Variants in ZNF230 observed in about 807,000 individuals in gnomAD.
ZNF230 encodes zinc finger protein FDZF2.
In ZNF230, 12 loss-of-function variants were observed where a neutral mutation model predicts 10.0. The observed-to-expected ratio is 1.20, with a 90% confidence interval of 0.77 to 1.95. ZNF230 has a LOEUF of 1.95. Ranked by LOEUF, ZNF230 falls within the 30% of genes most tolerant of loss-of-function variation. The pLI, the probability that ZNF230 is intolerant of heterozygous loss-of-function variation, is 0.00. For missense variants in ZNF230, 532 were observed against 565.8 expected, an observed-to-expected ratio of 0.94 and a Z score of 0.61; for synonymous variants, 174 against 193.6, an observed-to-expected ratio of 0.90 and a Z score of 0.84.
In ZNF230 at chr19:44,011,290, A is replaced by G; in HGVS notation, c.1251A>G (p.Lys417=). ...ATCATAAGAAACTCCACTGCCGGAAAAAACCCTTCAAATGTGAGGATTGTG... is the reference window on the plus strand; with the variant it reads ...ATCATAAGAAACTCCACTGCCGGAAGAAACCCTTCAAATGTGAGGATTGTG... ...ILNHKKLHCR[K]KPFKCEDCGK... The change falls in exon 5 of 5, where the codon AAA becomes AAG. Residue 417 remains lysine, a synonymous_variant. Transcript: ENST00000429154. 6 of 1,614,188 alleles carry G rather than the reference A, an allele frequency of 3.7e-6. No individual in the cohort carries two copies. The highest frequency in any genetic ancestry group is 5.1e-6 in the Non-Finnish European group (6 of 1,180,022).
chr19:44,008,959 A>G (rs1206602138), intron 3 of ZNF230, 43 bp downstream of exon 3: 3 of 1,609,416 alleles, frequency 1.9e-6, no homozygotes, highest in Non-Finnish European at 2.5e-6. Flanking sequence ...AGGCCTCAGG[A>G]GTGGCTTTGT....
At chr19:44,010,218 A>G in intron 4 of ZNF230, 51 bp from the exon 5 acceptor site, 1 of 1,502,486 alleles carries the variant, frequency 6.7e-7, no homozygotes, top group Non-Finnish European at 9.0e-7. Context: ...TCTTAAAAAC[A>G]CCAAACAAAG....
chr19:44,005,067 G>A (rs903419304), intron 1 of ZNF230, among the ~76,000 whole-genome samples: 5 of 150,342 alleles, frequency 3.3e-5, no homozygotes, highest in African/African-American at 1.2e-4. Context: ...AGCTTGCAGT[G>A]AGCGAGATCG....
chr19:44,009,144 C>G lies in ZNF230; in HGVS notation c.203C>G (p.Thr68Arg), dbSNP rs751098405. Reference protein sequence around the residue: ...LREEKFWMMETATQREGNSGG... With the variant: ...LREEKFWMMERATQREGNSGG... ...GAAGAAAAGTTTTGGATGATGGAGA[C>G]AGCAACCCAAAGAGAAGGAAATTCA... is the stretch of plus-strand genomic sequence containing the variant. The change falls in exon 4 of 5, where the codon ACA (threonine) becomes AGA (arginine). Residue 68 changes from threonine (T) to arginine (R), a missense_variant. Coordinates refer to ENST00000429154, the MANE Select transcript of ZNF230 (RefSeq NM_006300.4). The G allele has an allele frequency of 6.8e-6, 11 of 1,614,200 alleles. No homozygotes were observed. Among genetic ancestry groups the G allele is most frequent in the Middle Eastern group, 1.6e-4 (1 of 6,062 alleles).
chr19:44,012,288 A>G lies in ZNF230; in HGVS notation c.*824A>G, dbSNP rs1599853478. ...TAAAGTCTCTGCTCAGTTGTCTATA[A>G]TCTCATTTGAGAGTTCACAAAGGGG... On this transcript the variant is annotated 3_prime_UTR_variant, in exon 5 of 5. Coordinates refer to ENST00000429154, the MANE Select transcript of ZNF230 (RefSeq NM_006300.4). 1 of 461,308 alleles carries G rather than the reference A, an allele frequency of 2.2e-6. No individual in the cohort carries two copies. Among genetic ancestry groups the G allele is most frequent in the Non-Finnish European group, 4.3e-6 (1 of 233,130 alleles). The allele number at this position is 461,308 out of a possible 1,614,324, so 28.6% of individuals were successfully genotyped here. A position where few individuals can be genotyped will look rare whatever the true frequency, so the allele number is the denominator to read the frequency against.
chr19:44,013,078 T>C lies in ZNF230; in HGVS notation c.*1614T>C, dbSNP rs960567357. 6.6e-6 allele frequency: 1 copy of C among 152,278 alleles called. No homozygotes were observed. Among genetic ancestry groups the C allele is most frequent in the African/African-American group, 2.4e-5 (1 of 41,474 alleles). 9.4% of individuals were successfully genotyped at this position (152,278 alleles called of 1,614,324 possible). On this transcript the variant is annotated 3_prime_UTR_variant, in exon 5 of 5. Coordinates refer to ENST00000429154, the MANE Select transcript of ZNF230 (RefSeq NM_006300.4). ...AGTGTTAAGGCAAAATTTATAGTAA[T>C]ACTTTTTACGTGGCAGATGTAGTTA...
rs781767423 is a variant in ZNF230 at position 44,011,020 on chromosome 19, GA to G, written c.982del (p.Ile328Ter). On this transcript the variant is annotated frameshift_variant, in exon 5 of 5. Coordinates refer to ENST00000429154, the MANE Select transcript of ZNF230 (RefSeq NM_006300.4). LOFTEE classifies it low-confidence loss of function (END_TRUNC). ...ATAGCCTAGATTTGCATAAGCATCA[GA>G]TAATTCACACAGGACAGAAACCGTA... ...TDSLDLHKHQ[I>X]IHTGQKPYNC... 2 of 1,614,010 alleles carry G rather than the reference GA, an allele frequency of 1.2e-6. No homozygotes were observed. Among genetic ancestry groups the G allele is most frequent in the African/African-American group, 2.7e-5 (2 of 74,916 alleles).
At chr19:44,006,755 A>G (rs563462060) in intron 1 of ZNF230, 45 of 213,194 alleles carry the variant, frequency 2.1e-4, no homozygotes, top group African/African-American at 9.7e-4. Flanking sequence ...TTCTCTTATG[A>G]TGTTTCCAAG....
At position 44,012,060 on chromosome 19, in the gene ZNF230, A is replaced by AT; in HGVS notation, c.*596_*597insT. 5.0e-6 allele frequency: 1 copy of AT among 199,950 alleles called. No homozygotes were observed. Among genetic ancestry groups the AT allele is most frequent in the South Asian group, 8.1e-5 (1 of 12,410 alleles). The allele number at this position is 199,950 out of a possible 1,614,324, so 12.4% of individuals were successfully genotyped here. ...ACATGGTAGTGTAGATATCTGATCC[A>AT]CATACTGATTTCCTTTGCTTTGGAT... On this transcript the variant is annotated 3_prime_UTR_variant, in exon 5 of 5. Transcript: ENST00000429154.
rs1167999136 is a variant in ZNF230 at position 44,012,361 on chromosome 19, T to C, written c.*897T>C. On this transcript the variant is annotated 3_prime_UTR_variant, in exon 5 of 5. Coordinates refer to ENST00000429154, the MANE Select transcript of ZNF230 (RefSeq NM_006300.4). ...TGGTAAGCACTTCAGTGTGTGTTTATATCATAATTTATCACAGTCCATACT... is the reference window on the plus strand; with the variant it reads ...TGGTAAGCACTTCAGTGTGTGTTTACATCATAATTTATCACAGTCCATACT... The C allele has an allele frequency of 1.9e-6, 1 of 517,950 alleles. No homozygotes were observed. The highest frequency in any genetic ancestry group is 5.4e-5 in the East Asian group (1 of 18,372). 32.1% of individuals were successfully genotyped at this position (517,950 alleles called of 1,614,324 possible). A position where few individuals can be genotyped will look rare whatever the true frequency, so the allele number is the denominator to read the frequency against.
intron 4 of ZNF230, chr19:44,009,448 CT>C: frequency 3.8e-6 from 2 of 526,300 alleles, no homozygotes; most frequent in East Asian, 6.0e-5. Flanking sequence ...GTTACAACCT[CT>C]TTATTGGCTT....
In ZNF230 at chr19:44,011,565, ATTTCT is replaced by A. The variant is rs759539805; in HGVS notation, c.*104_*108del. ...TAGTGTATTACCTTAAACAATTAACATTTCTTTGTTTTGGGAAAATTCAAAATCCA... is the reference window on the plus strand; with the variant it reads ...TAGTGTATTACCTTAAACAATTAACATTGTTTTGGGAAAATTCAAAATCCA... On this transcript the variant is annotated 3_prime_UTR_variant, in exon 5 of 5. Transcript: ENST00000429154. The A allele has an allele frequency of 3.9e-5, 48 of 1,239,338 alleles. No individual in the cohort carries two copies. The highest frequency in any genetic ancestry group is 2.3e-4 in the Middle Eastern group (1 of 4,328). The allele number at this position is 1,239,338 out of a possible 1,614,324, so 76.8% of individuals were successfully genotyped here.
chr19:44,011,687 A>G lies in ZNF230; in HGVS notation c.*223A>G, dbSNP rs965572475. Reference sequence around the variant, plus strand: ...ACACTAGAATGTATTTCTCCTATCTAGCAGTACTTATGTATCTTGTTACCC... The same window carrying G: ...ACACTAGAATGTATTTCTCCTATCTGGCAGTACTTATGTATCTTGTTACCC... On this transcript the variant is annotated 3_prime_UTR_variant, in exon 5 of 5. Coordinates refer to ENST00000429154, the MANE Select transcript of ZNF230 (RefSeq NM_006300.4). 5 of 474,092 alleles carry G rather than the reference A, an allele frequency of 1.1e-5. No homozygotes were observed. The highest frequency in any genetic ancestry group is 1.8e-5 in the Non-Finnish European group (5 of 271,876). The allele number at this position is 474,092 out of a possible 1,614,324, so 29.4% of individuals were successfully genotyped here. A position where few individuals can be genotyped will look rare whatever the true frequency, so the allele number is the denominator to read the frequency against.
In ZNF230 at chr19:44,011,426, C is replaced by A. The variant is rs1222480642; in HGVS notation, c.1387C>A (p.Leu463Met). ...GAAGCGCTACAAGAGGCGCTTGAAT[C>A]TGGATATAATTTTATCATTATTTTT... is the stretch of plus-strand genomic sequence containing the variant. Reference protein sequence around the residue: ...CGKRYKRRLNLDIILSLFLND... With the variant: ...CGKRYKRRLNMDIILSLFLND... Residue 463 changes from leucine to methionine, a missense_variant, in exon 5 of 5, where the codon CTG becomes ATG. Physicochemically the swap from Leu to Met is conservative, Grantham distance 15. Coordinates refer to ENST00000429154, the MANE Select transcript of ZNF230 (RefSeq NM_006300.4). 1 of 1,603,488 alleles carries A rather than the reference C, an allele frequency of 6.2e-7. No homozygotes were observed. The highest frequency in any genetic ancestry group is 8.5e-7 in the Non-Finnish European group (1 of 1,176,672).
chr19:44,012,306 C>A lies in ZNF230; in HGVS notation c.*842C>A. ...GTCTATAATCTCATTTGAGAGTTCACAAAGGGGCAAAACATTAAAAAGAGG... is the reference window on the plus strand; with the variant it reads ...GTCTATAATCTCATTTGAGAGTTCAAAAAGGGGCAAAACATTAAAAAGAGG... On this transcript the variant is annotated 3_prime_UTR_variant, in exon 5 of 5. Coordinates refer to ENST00000429154, the MANE Select transcript of ZNF230 (RefSeq NM_006300.4). 4.1e-6 allele frequency: 2 copies of A among 482,002 alleles called. No homozygotes were observed. Among genetic ancestry groups the A allele is most frequent in the South Asian group, 3.1e-5 (2 of 64,176 alleles). 29.9% of individuals were successfully genotyped at this position (482,002 alleles called of 1,614,324 possible). A position where few individuals can be genotyped will look rare whatever the true frequency, so the allele number is the denominator to read the frequency against.
chr19:44,013,406 G>C lies in ZNF230; in HGVS notation c.*1942G>C, dbSNP rs1249875498. 6.6e-6 allele frequency: 1 copy of C among 152,172 alleles called. No individual in the cohort carries two copies. The highest frequency in any genetic ancestry group is 1.5e-5 in the Non-Finnish European group (1 of 68,020). The allele number at this position is 152,172 out of a possible 1,614,324, so 9.4% of individuals were successfully genotyped here. A position where few individuals can be genotyped will look rare whatever the true frequency, so the allele number is the denominator to read the frequency against. On this transcript the variant is annotated 3_prime_UTR_variant, in exon 5 of 5. Transcript: ENST00000429154. ...AGTAAAAATAAGTCTTTTGTAAGCA[G>C]TGTATATCAGAATGTATAAGGTACA...
chr19:44,010,166 T>A (rs181929458), intron 4 of ZNF230, 103 bp from the exon 5 acceptor site: 90 of 1,113,852 alleles, frequency 8.1e-5, no homozygotes, highest in Admixed American at 4.3e-4. Flanking sequence ...AAACATAAAC[T>A]GAACATTCAT....
chr19:44,011,368 T>C lies in ZNF230; in HGVS notation c.1329T>C (p.Asn443=). 1 of 1,614,066 alleles carries C rather than the reference T, an allele frequency of 6.2e-7. No individual in the cohort carries two copies. Residue 443 remains asparagine, a synonymous_variant, in exon 5 of 5, where the codon AAT becomes AAC. Coordinates refer to ENST00000429154, the MANE Select transcript of ZNF230 (RefSeq NM_006300.4). ...SFCKDQQGDH[N]GENSSKCEDC... is the part of the protein sequence containing the mutation. ...GTAAAGACCAACAAGGAGACCACAA[T>C]GGAGAAAACTCATCCAAATGTGAGG...
In ZNF230 at chr19:44,010,985, G is replaced by A. The variant is rs202134120; in HGVS notation, c.946G>A (p.Gly316Ser). ...GTACAAATCTGAGGAGTGTGGAAAA[G>A]GCTTCACTGATAGCCTAGATTTGCA... ...KLYKSEECGK[G>S]FTDSLDLHKH... The change falls in exon 5 of 5, where the codon GGC becomes AGC. Residue 316 changes from glycine to serine, a missense_variant. By Grantham distance (56) the Gly-to-Ser change is moderately conservative. Coordinates refer to ENST00000429154, the MANE Select transcript of ZNF230 (RefSeq NM_006300.4). 1.5e-4 allele frequency: 239 copies of A among 1,614,084 alleles called. No homozygotes were observed. Among genetic ancestry groups the A allele is most frequent in the Non-Finnish European group, 1.9e-4 (222 of 1,180,034 alleles).
Sources: allele counts gnomAD v4.1 joint callset (sites outside exome capture counted in the v4.1 genomes callset), GRCh38; gene constraint gnomAD v4.1.1; transcripts MANE v1.5; gene names NCBI Gene and HGNC (gene_info 2026-07-23, HGNC 2026-07-21).